The following SCARA3 variants were observed in gnomAD, a reference collection of about 807,000 sequenced individuals.
SCARA3 encodes the protein cellular stress response gene protein.
In SCARA3, 39 loss-of-function variants were observed where a neutral mutation model predicts 47.0. The observed-to-expected ratio is 0.83, with a 90% confidence interval of 0.64 to 1.08. The LOEUF (loss-of-function observed/expected upper bound fraction) is 1.08, where lower values mean the gene tolerates loss of function less well. Ranked by LOEUF, SCARA3 falls within the 50% of genes least tolerant of loss-of-function variation. The pLI is 0.00. For missense variants in SCARA3, 724 were observed against 792.3 expected (o/e 0.91, Z 1.04); for synonymous variants, 356 against 334.1 (o/e 1.07, Z -0.71).
the SCARA3 span, among the ~76,000 whole-genome samples, chr8:27,691,926 A>T: frequency 9.2e-5 from 14 of 152,194 alleles, no homozygotes; most frequent in Admixed American, 7.8e-4. Flanking sequence ...TTCCCTATGT[A>T]TCTCCTGTCC....
At position 27,671,474 on chromosome 8, in the gene SCARA3, G is replaced by A; in HGVS notation, c.*123G>A. On this transcript the variant is annotated 3_prime_UTR_variant, in exon 6 of 6. Transcript: ENST00000301904. ...CTGATTCCAATGAGGGGGCTCCCCA[G>A]GGCTGACCCTGCAGCTTTGGGCTCC... 7.6e-7 allele frequency: 1 copy of A among 1,312,806 alleles called. No homozygotes were observed. The highest frequency in any genetic ancestry group is 9.6e-7 in the Non-Finnish European group (1 of 1,036,656). The allele number at this position is 1,312,806 out of a possible 1,614,324, so 81.3% of individuals were successfully genotyped here.
chr8:27,725,933 C>T, the SCARA3 span, among the ~76,000 whole-genome samples: 11 of 152,156 alleles, frequency 7.2e-5, no homozygotes, highest in Non-Finnish European at 1.6e-4. Flanking sequence ...AAGATGAATT[C>T]AACTTGTACT....
At chr8:27,685,799 T>G in the SCARA3 span, among the ~76,000 whole-genome samples, 14 of 152,302 alleles carry the variant, frequency 9.2e-5, no homozygotes, top group Non-Finnish European at 1.9e-4. Context: ...TCTAGACCTA[T>G]CTTCAGTTTA....
the SCARA3 span, among the ~76,000 whole-genome samples, chr8:27,695,707 G>A: frequency 6.6e-6 from 1 of 151,954 alleles, no homozygotes; most frequent in South Asian, 2.1e-4. Context: ...AAGAACAAAT[G>A]GAAATTCTGA....
At chr8:27,656,530 C>T (rs2128920034) in intron 3 of SCARA3, among the ~76,000 whole-genome samples, 1 of 151,976 alleles carries the variant, frequency 6.6e-6, no homozygotes, top group South Asian at 2.1e-4. Flanking sequence ...TCTGAATTTT[C>T]CCTGTTCCAT....
chr8:27,690,002 C>G, the SCARA3 span, among the ~76,000 whole-genome samples: 1 of 152,138 alleles, frequency 6.6e-6, no homozygotes, highest in Admixed American at 6.6e-5. Context: ...AAACGACTTA[C>G]TTCTAGAGAC....
chr8:27,698,051 C>T, the SCARA3 span, among the ~76,000 whole-genome samples: 2 of 152,040 alleles, frequency 1.3e-5, no homozygotes, highest in African/African-American at 4.8e-5. Flanking sequence ...CTGTTAACAA[C>T]AAAATTTTAT....
At chr8:27,689,894 C>T in the SCARA3 span, among the ~76,000 whole-genome samples, 2 of 152,148 alleles carry the variant, frequency 1.3e-5, no homozygotes, top group South Asian at 4.1e-4. Context: ...GAAGTTGACC[C>T]AGGAGGATTT....
the SCARA3 span, among the ~76,000 whole-genome samples, chr8:27,687,707 G>A: frequency 6.6e-6 from 1 of 152,004 alleles, no homozygotes. Context: ...AGGGGCAGAG[G>A]ATGCTTAACT....
At chr8:27,725,543 C>A in the SCARA3 span, among the ~76,000 whole-genome samples, 9 of 125,284 alleles carry the variant, frequency 7.2e-5, no homozygotes, top group Admixed American at 3.2e-4. Context: ...AAAAAAAAAA[C>A]CAGAATAATC....
At chr8:27,666,985 G>C (rs569520288) in intron 5 of SCARA3, among the ~76,000 whole-genome samples, 7 of 152,236 alleles carry the variant, frequency 4.6e-5, no homozygotes, top group African/African-American at 1.7e-4. Context: ...GGGTGTGCCG[G>C]TCCCTCTCCT....
chr8:27,698,161 A>T, the SCARA3 span, among the ~76,000 whole-genome samples: 2 of 152,242 alleles, frequency 1.3e-5, no homozygotes, highest in African/African-American at 4.8e-5. Flanking sequence ...GTACTATAAA[A>T]ATTGCTAAAG....
intron 1 of SCARA3, among the ~76,000 whole-genome samples, chr8:27,646,285 G>T (rs370744902): frequency 6.6e-6 from 1 of 152,210 alleles, no homozygotes; most frequent in East Asian, 1.9e-4. Flanking sequence ...GGGTCACTCG[G>T]TGCGTTACTG....
chr8:27,635,530 C>A (rs978617835), intron 1 of SCARA3, among the ~76,000 whole-genome samples: 5 of 152,160 alleles, frequency 3.3e-5, no homozygotes, highest in African/African-American at 1.2e-4. Context: ...CTCACTGCAG[C>A]CTCAAACTTC....
In SCARA3 at chr8:27,663,058, T is replaced by C. The variant is rs12334923; in HGVS notation, c.1369+3519T>C. On this transcript the variant is annotated intron_variant, in intron 5 of 5. Coordinates refer to ENST00000301904, the MANE Select transcript of SCARA3 (RefSeq NM_016240.3). The stretch of plus-strand genomic sequence containing the variant: ...TTTATTGCCACCAGTTTTTCAGTCA[T>C]GTTCCTTCCACATCCCTGACCATCC... Among the ~76,000 whole-genome samples, 1,460 of 152,338 alleles carry C rather than the reference T, an allele frequency of 9.6e-3. 16 individuals carry two copies. Among genetic ancestry groups the C allele is most frequent in the African/African-American group, 0.033 (1,365 of 41,578 alleles).
the SCARA3 span, among the ~76,000 whole-genome samples, chr8:27,713,912 A>G: frequency 1.3e-5 from 2 of 152,124 alleles, no homozygotes; most frequent in African/African-American, 4.8e-5. Flanking sequence ...TGTTGGGGTC[A>G]TGGGGGCAGC....
chr8:27,677,789 A>T (rs115413491), downstream of SCARA3, among the ~76,000 whole-genome samples: 2,298 of 152,318 alleles, frequency 0.015, 62 homozygotes, highest in African/African-American at 0.048. Context: ...AAGGTAGAAC[A>T]TGATGTGAGC....
chr8:27,671,266 T>C lies in SCARA3; in HGVS notation c.1736T>C (p.Met579Thr), dbSNP rs771898087. 24 of 1,479,044 alleles carry C rather than the reference T, an allele frequency of 1.6e-5. No individual in the cohort carries two copies. Among genetic ancestry groups the C allele is most frequent in the Non-Finnish European group, 2.1e-5 (24 of 1,119,594 alleles). 91.6% of individuals were successfully genotyped at this position (1,479,044 alleles called of 1,614,324 possible). Residue 579 changes from methionine to threonine, a missense_variant, in exon 6 of 6, where the codon ATG becomes ACG. Transcript: ENST00000301904. ...GGGTCACCAGGCCAGCGGGGGGCCA[T>C]GGGGCCTAAGGGTGAACCAGGGATC... ...KTGSPGQRGA[M>T]GPKGEPGIQG...
At chr8:27,684,252 C>A in the SCARA3 span, among the ~76,000 whole-genome samples, 1 of 152,102 alleles carries the variant, frequency 6.6e-6, no homozygotes, top group South Asian at 2.1e-4. Flanking sequence ...TCCAAATGCT[C>A]ATGAGCCAAA....
Sources: gnomAD v4.1 joint callset for allele counts (sites outside exome capture counted in the v4.1 genomes callset) on GRCh38, gnomAD v4.1.1 for gene constraint, MANE v1.5 for transcripts, NCBI Gene and HGNC (gene_info 2026-07-23, HGNC 2026-07-21) for gene names.